DOCK1: variants seen among roughly 807,000 people sequenced by gnomAD.
DOCK1 encodes the protein dedicator of cytokinesis 1.
A neutral mutation model predicts 262.7 loss-of-function variants in DOCK1; 138 were observed. That is an observed-to-expected ratio of 0.53 (90% confidence interval 0.46 to 0.61). The LOEUF (loss-of-function observed/expected upper bound fraction) is 0.61. Ranked by LOEUF, DOCK1 falls within the 20% of genes least tolerant of loss-of-function variation. The pLI is 0.00. For synonymous variants in DOCK1, 866 were observed against 867.4 expected (o/e 1.00, Z 0.03); for missense variants, 1,908 against 2,370.7 (o/e 0.80, Z 4.05).
At chr10:127,172,200 A>G (rs1042673420) in intron 27 of DOCK1, among the ~76,000 whole-genome samples, 3 of 152,172 alleles carry the variant, frequency 2.0e-5, no homozygotes, top group African/African-American at 7.2e-5. Flanking sequence ...CCCTCGTTCT[A>G]AAGTCCTAGA....
At chr10:127,387,485 C>T (rs2066194466) in intron 38 of DOCK1, among the ~76,000 whole-genome samples, 1 of 152,182 alleles carries the variant, frequency 6.6e-6, no homozygotes. Flanking sequence ...CCCTGCAGTG[C>T]CCTGGGCATA....
chr10:127,284,217 T>C (rs2061066631), intron 29 of DOCK1, among the ~76,000 whole-genome samples: 1 of 152,168 alleles, frequency 6.6e-6, no homozygotes, highest in Non-Finnish European at 1.5e-5. Flanking sequence ...AGTAACCTAT[T>C]TCATATTTCC....
At chr10:127,105,496 A>G (rs763823371) in intron 23 of DOCK1, among the ~76,000 whole-genome samples, 5 of 152,224 alleles carry the variant, frequency 3.3e-5, no homozygotes. Context: ...TGGAACAAAG[A>G]CAGTTGACTT....
At chr10:126,954,833 A>G (rs1344594928) in intron 1 of DOCK1, among the ~76,000 whole-genome samples, 4 of 152,196 alleles carry the variant, frequency 2.6e-5, no homozygotes, top group Admixed American at 2.6e-4. Context: ...ATCTGTTGAT[A>G]GACATTTGGG....
intron 27 of DOCK1, among the ~76,000 whole-genome samples, chr10:127,156,798 C>A (rs1481388097): frequency 6.6e-6 from 1 of 152,056 alleles, no homozygotes; most frequent in Non-Finnish European, 1.5e-5. Flanking sequence ...GAACTCCCAA[C>A]CTCAAGTGAT....
intron 22 of DOCK1, among the ~76,000 whole-genome samples, chr10:127,059,208 T>G (rs948288790): frequency 6.6e-6 from 1 of 152,194 alleles, no homozygotes; most frequent in Non-Finnish European, 1.5e-5. Context: ...TTAAATGGTA[T>G]TATTTTCTTT....
At chr10:127,381,470 T>G (rs2065820343) in intron 37 of DOCK1, 102 bp downstream of exon 37, 1 of 1,004,950 alleles carries the variant, frequency 1.0e-6, no homozygotes, top group Admixed American at 2.8e-5. Flanking sequence ...GCCTATAACT[T>G]AAGGTTTTAT....
intron 29 of DOCK1, among the ~76,000 whole-genome samples, chr10:127,271,592 A>G (rs2060570877): frequency 6.6e-6 from 1 of 152,154 alleles, no homozygotes; most frequent in Admixed American, 6.5e-5. Context: ...AATATTTGTC[A>G]TGTGCGATTT....
chr10:127,073,991 C>T (rs972363675), intron 23 of DOCK1, among the ~76,000 whole-genome samples: 3 of 152,124 alleles, frequency 2.0e-5, no homozygotes, highest in Non-Finnish European at 4.4e-5. Flanking sequence ...GGGAGGAGAG[C>T]AGACTTTAAA....
At chr10:126,951,498 T>C (rs2036239163) in intron 1 of DOCK1, among the ~76,000 whole-genome samples, 1 of 151,718 alleles carries the variant, frequency 6.6e-6, no homozygotes. Context: ...GTGATAGTGG[T>C]GATGGTGGTA....
At chr10:126,998,383 G>A (rs1462413015) in intron 8 of DOCK1, 134 bp downstream of exon 8, 3 of 1,228,184 alleles carry the variant, frequency 2.4e-6, no homozygotes, top group Non-Finnish European at 3.5e-6. Flanking sequence ...AAGCAGCCGA[G>A]TCAAGAGCTG....
chr10:127,071,059 AGT>A lies in DOCK1; in HGVS notation c.2445+9288_2445+9289del, dbSNP rs1169557737. On this transcript the variant is annotated intron_variant, in intron 23 of 51. Coordinates refer to ENST00000623213, the MANE Select transcript of DOCK1 (RefSeq NM_001290223.2). ...ACACACAGATGATGACACACTTGCA[AGT>A]GTGTCATGTTAAGAAAGACTCAGCA... Among the ~76,000 whole-genome samples the A allele has an allele frequency of 9.9e-5, 15 of 152,258 alleles. No homozygotes were observed. In the East Asian group the frequency reaches 2.7e-3, roughly 28 times the overall value.
At chr10:126,972,168 G>A (rs1185460857) in intron 2 of DOCK1, among the ~76,000 whole-genome samples, 2 of 151,800 alleles carry the variant, frequency 1.3e-5, no homozygotes, top group East Asian at 1.9e-4. Context: ...TGCCCGCCTC[G>A]GCCTCCCAAA....
intron 23 of DOCK1, among the ~76,000 whole-genome samples, chr10:127,082,940 T>C (rs1424751365): frequency 6.6e-6 from 1 of 152,164 alleles, no homozygotes; most frequent in Non-Finnish European, 1.5e-5. Context: ...ATCTTTCTCC[T>C]TGGAAGGCCT....
At chr10:127,219,873 C>T (rs1191672522) in intron 27 of DOCK1, among the ~76,000 whole-genome samples, 1 of 152,184 alleles carries the variant, frequency 6.6e-6, no homozygotes, top group Non-Finnish European at 1.5e-5. Context: ...CCCCAGCCCA[C>T]ATCTTCAGCA....
chr10:127,418,771 C>G (rs1393982914), intron 45 of DOCK1, among the ~76,000 whole-genome samples: 2 of 152,252 alleles, frequency 1.3e-5, no homozygotes, highest in African/African-American at 2.4e-5. Context: ...AGCCAGGAAG[C>G]CCCCACTGAC....
intron 3 of DOCK1, among the ~76,000 whole-genome samples, chr10:126,979,196 A>G (rs568962343): frequency 3.3e-4 from 50 of 152,246 alleles, no homozygotes; most frequent in African/African-American, 1.0e-3. Flanking sequence ...GGAAAGTTCT[A>G]TTTTCACATT....
chr10:127,220,293 A>G (rs2058377799), intron 27 of DOCK1, among the ~76,000 whole-genome samples: 1 of 152,040 alleles, frequency 6.6e-6, no homozygotes, highest in South Asian at 2.1e-4. Context: ...GACTGAGGAT[A>G]CAGGAGAATG....
chr10:127,203,844 AAAGTT>A (rs2057587221), intron 27 of DOCK1, among the ~76,000 whole-genome samples: 2 of 152,148 alleles, frequency 1.3e-5, no homozygotes, highest in African/African-American at 4.8e-5. Context: ...TCCACTAACT[AAAGTT>A]AAAGTAAAAA....
Sources: gnomAD v4.1 joint callset for allele counts (sites outside exome capture counted in the v4.1 genomes callset) on GRCh38, gnomAD v4.1.1 for gene constraint, MANE v1.5 for transcripts, NCBI Gene and HGNC (gene_info 2026-07-23, HGNC 2026-07-21) for gene names.